LARS2: variants seen among roughly 807,000 people sequenced by gnomAD.
The protein encoded by LARS2 is leucyl-tRNA synthetase 2, mitochondrial, also known as leucine--tRNA ligase, mitochondrial.
A neutral mutation model predicts 116.6 loss-of-function variants in LARS2; 81 were observed. The observed-to-expected ratio is 0.69, with a 90% CI of 0.58 to 0.84. The LOEUF (loss-of-function observed/expected upper bound fraction) is 0.84, where lower values mean the gene tolerates loss of function less well. LARS2 is among the 40% of genes least tolerant of loss of function. The probability of loss-of-function intolerance (pLI) is 0.00; values close to 1 mark genes in which losing one functional copy is unlikely to be tolerated. For missense variants in LARS2, 968 were observed against 1,114.5 expected (o/e 0.87, Z 1.87); for synonymous variants, 396 against 407.2 (o/e 0.97, Z 0.33).
intron 20 of LARS2, among the ~76,000 whole-genome samples, chr3:45,528,980 T>A (rs761100452): frequency 6.6e-6 from 1 of 152,078 alleles, no homozygotes; most frequent in Non-Finnish European, 1.5e-5. Context: ...GAGATTCTCC[T>A]GCCTCAGCCT....
In LARS2 at chr3:45,445,904, T is replaced by C. The variant is rs755120494; in HGVS notation, c.517-987T>C. On this transcript the variant is annotated intron_variant, in intron 6 of 21. Transcript: ENST00000645846. ...GAATTGTTTGCACTTTTGGTAAAAG[T>C]ACGCTTTCTATCAAAAGTTTATTAC... is the stretch of plus-strand genomic sequence containing the variant. 6.0e-4 allele frequency among the ~76,000 whole-genome samples: 92 copies of C among 152,168 alleles called. 1 individual carries two copies. Among genetic ancestry groups the C allele is most frequent in the Non-Finnish European group, 1.1e-3 (78 of 68,028 alleles).
At chr3:45,519,867 C>T (rs151030426) in intron 18 of LARS2, 3,615 of 185,124 alleles carry the variant, frequency 0.02, 124 homozygotes, top group African/African-American at 0.07. Context: ...AGGCTGGTCT[C>T]GAACTCTTGA....
intron 20 of LARS2, among the ~76,000 whole-genome samples, chr3:45,539,258 G>GA (rs1185509852): frequency 3.3e-5 from 5 of 151,986 alleles, no homozygotes; most frequent in African/African-American, 1.2e-4. Flanking sequence ...CTCACAGGAC[G>GA]AAAAAATGTT....
chr3:45,456,112 T>A (rs1010705592), intron 7 of LARS2, among the ~76,000 whole-genome samples: 1 of 152,128 alleles, frequency 6.6e-6, no homozygotes, highest in Non-Finnish European at 1.5e-5. Context: ...TCAGTCATAA[T>A]GTTTTGTATA....
intron 10 of LARS2, among the ~76,000 whole-genome samples, chr3:45,482,573 C>G (rs9855079): frequency 0.018 from 2,720 of 152,284 alleles, 71 homozygotes; most frequent in African/African-American, 0.058. Flanking sequence ...GATAATACTT[C>G]AAGATCACTC....
At chr3:45,535,982 G>C (rs1700699422) in intron 20 of LARS2, among the ~76,000 whole-genome samples, 1 of 152,106 alleles carries the variant, frequency 6.6e-6, no homozygotes, top group Non-Finnish European at 1.5e-5. Context: ...AATTATTGCA[G>C]AATAAAGGAT....
At chr3:45,498,266 A>G (rs1700051828) in intron 14 of LARS2, among the ~76,000 whole-genome samples, 1 of 152,160 alleles carries the variant, frequency 6.6e-6, no homozygotes, top group African/African-American at 2.4e-5. Flanking sequence ...CCCTCATGAC[A>G]CACTGTAGTT....
intron 4 of LARS2, among the ~76,000 whole-genome samples, chr3:45,413,596 C>T (rs1698369290): frequency 6.6e-6 from 1 of 152,198 alleles, no homozygotes; most frequent in African/African-American, 2.4e-5. Context: ...GAGAACAAGC[C>T]TTGGTTAGCA....
intron 10 of LARS2, among the ~76,000 whole-genome samples, chr3:45,479,246 G>A (rs1310808123): frequency 6.6e-6 from 1 of 152,168 alleles, no homozygotes; most frequent in African/African-American, 2.4e-5. Context: ...AGCCTTCCTG[G>A]CAGAGCTTGT....
At chr3:45,442,384 A>G (rs1559470642) in intron 6 of LARS2, among the ~76,000 whole-genome samples, 2 of 152,200 alleles carry the variant, frequency 1.3e-5, no homozygotes, top group Admixed American at 6.5e-5. Context: ...TTGTTCAACA[A>G]CTATTTTATG....
chr3:45,515,983 C>T (rs1042087840), intron 16 of LARS2, 111 bp from the exon 17 acceptor site: 1 of 760,670 alleles, frequency 1.3e-6, no homozygotes, highest in Middle Eastern at 3.1e-4. Context: ...TAGTGTGATT[C>T]TTCAAATGGA....
intron 1 of LARS2, among the ~76,000 whole-genome samples, chr3:45,390,275 C>T (rs941602094): frequency 2.6e-5 from 4 of 151,998 alleles, no homozygotes; most frequent in Non-Finnish European, 1.5e-5. Flanking sequence ...TATATGTCAT[C>T]TTTGCTGTTT....
At chr3:45,528,452 C>A (rs1320183107) in intron 20 of LARS2, among the ~76,000 whole-genome samples, 1 of 152,078 alleles carries the variant, frequency 6.6e-6, no homozygotes, top group Non-Finnish European at 1.5e-5. Context: ...AATTTAAATA[C>A]CCTAAAATTT....
intron 3 of LARS2, among the ~76,000 whole-genome samples, chr3:45,399,047 G>A (rs2125674630): frequency 6.6e-6 from 1 of 152,314 alleles, no homozygotes; most frequent in Non-Finnish European, 1.5e-5. Flanking sequence ...TCAGATACAT[G>A]TACAGTTGTC....
chr3:45,460,754 A>G (rs180726519), intron 8 of LARS2, among the ~76,000 whole-genome samples: 9 of 152,270 alleles, frequency 5.9e-5, no homozygotes, highest in African/African-American at 1.7e-4. Flanking sequence ...GTACTGGAAA[A>G]CATTGGCATT....
intron 16 of LARS2, among the ~76,000 whole-genome samples, 162 bp from the exon 17 acceptor site, chr3:45,515,932 A>G (rs1161092881): frequency 1.3e-5 from 2 of 152,242 alleles, no homozygotes; most frequent in Non-Finnish European, 2.9e-5. Flanking sequence ...AAATATTTTT[A>G]TAACAATACA....
chr3:45,532,354 T>C (rs1336365445), intron 20 of LARS2, among the ~76,000 whole-genome samples: 1 of 152,256 alleles, frequency 6.6e-6, no homozygotes, highest in African/African-American at 2.4e-5. Flanking sequence ...TGATGTATTA[T>C]TTGCTTTTAA....
chr3:45,497,274 T>G (rs1700028947), intron 14 of LARS2, among the ~76,000 whole-genome samples: 1 of 151,950 alleles, frequency 6.6e-6, no homozygotes, highest in Non-Finnish European at 1.5e-5. Context: ...TAAGCTGTAT[T>G]CATGTGTTTA....
intron 20 of LARS2, among the ~76,000 whole-genome samples, chr3:45,528,248 G>A (rs1357558223): frequency 6.6e-6 from 1 of 152,050 alleles, no homozygotes; most frequent in Non-Finnish European, 1.5e-5. Context: ...GAGGTGGGAG[G>A]ATCACTTGAG....
Sources: allele counts gnomAD v4.1 joint callset (sites outside exome capture counted in the v4.1 genomes callset), GRCh38; gene constraint gnomAD v4.1.1; transcripts MANE v1.5; gene names NCBI Gene and HGNC (gene_info 2026-07-23, HGNC 2026-07-21).